The following STXBP5L variants were observed in gnomAD, a reference collection of about 807,000 sequenced individuals.
STXBP5L encodes the protein syntaxin-binding protein 5-like.
In STXBP5L, 65 loss-of-function variants were observed where a neutral mutation model predicts 144.5. The ratio of observed to expected loss-of-function variants is 0.45; its 90% CI spans 0.37 to 0.55. STXBP5L has a LOEUF of 0.55. Ranked by LOEUF, STXBP5L falls within the 20% of genes least tolerant of loss-of-function variation. STXBP5L has a pLI of 0.00. For missense variants in STXBP5L, 1,298 were observed against 1,405.5 expected, an observed-to-expected ratio of 0.92 and a Z score of 1.22; for synonymous variants, 505 against 469.6, an observed-to-expected ratio of 1.08 and a Z score of -0.97.
At chr3:120,978,970 C>T (rs539787042) in intron 3 of STXBP5L, among the ~76,000 whole-genome samples, 1 of 152,270 alleles carries the variant, frequency 6.6e-6, no homozygotes, top group East Asian at 1.9e-4. Context: ...GGGTGCCTCC[C>T]AGTTATGCTG....
chr3:121,369,596 C>T (rs1332915976), intron 20 of STXBP5L, among the ~76,000 whole-genome samples: 1 of 151,118 alleles, frequency 6.6e-6, no homozygotes, highest in Non-Finnish European at 1.5e-5. Context: ...TTTTCATGTT[C>T]CTTGAAGTCT....
At chr3:120,998,035 C>T (rs916986956) in intron 3 of STXBP5L, among the ~76,000 whole-genome samples, 4 of 152,138 alleles carry the variant, frequency 2.6e-5, no homozygotes, top group African/African-American at 4.8e-5. Flanking sequence ...TTCAAGATCC[C>T]TTCATGTTAA....
intron 20 of STXBP5L, among the ~76,000 whole-genome samples, chr3:121,361,512 T>C (rs1049775101): frequency 3.3e-5 from 5 of 152,082 alleles, no homozygotes; most frequent in African/African-American, 1.2e-4. Flanking sequence ...TGATTATGTA[T>C]TTTAAATAGC....
intron 18 of STXBP5L, among the ~76,000 whole-genome samples, chr3:121,274,815 T>C (rs1417327319): frequency 6.6e-6 from 1 of 152,072 alleles, no homozygotes; most frequent in East Asian, 1.9e-4. Context: ...AGTAATAGCA[T>C]GGAACATAGC....
chr3:121,084,702 C>A (rs1301941053), intron 5 of STXBP5L, among the ~76,000 whole-genome samples: 3 of 152,128 alleles, frequency 2.0e-5, no homozygotes, highest in African/African-American at 7.2e-5. Flanking sequence ...AAATGATTTA[C>A]ATTCCTTTGG....
intron 3 of STXBP5L, among the ~76,000 whole-genome samples, chr3:121,002,415 T>A (rs1183866895): frequency 6.6e-6 from 1 of 152,132 alleles, no homozygotes; most frequent in African/African-American, 2.4e-5. Flanking sequence ...TTTTTGTTAT[T>A]GAGTTATATG....
chr3:120,967,254 T>G (rs1576513924), intron 3 of STXBP5L, among the ~76,000 whole-genome samples: 1 of 152,202 alleles, frequency 6.6e-6, no homozygotes. Context: ...TTGCACTTCC[T>G]GGGTGAGACA....
chr3:121,161,980 C>T (rs976382134), intron 9 of STXBP5L, among the ~76,000 whole-genome samples: 1 of 151,806 alleles, frequency 6.6e-6, no homozygotes, highest in East Asian at 1.9e-4. Flanking sequence ...TCTTATGATG[C>T]AATTAGACAA....
chr3:120,959,380 T>C (rs1938463037), intron 3 of STXBP5L, among the ~76,000 whole-genome samples: 1 of 152,170 alleles, frequency 6.6e-6, no homozygotes, highest in Non-Finnish European at 1.5e-5. Flanking sequence ...ATGACTTTCT[T>C]CACAGAACTG....
chr3:121,016,254 A>G (rs556559823), intron 3 of STXBP5L, among the ~76,000 whole-genome samples: 34 of 152,238 alleles, frequency 2.2e-4, no homozygotes, highest in Non-Finnish European at 4.4e-4. Flanking sequence ...ACAGCAGTTA[A>G]CAGAACCAGA....
rs767721855 is a variant in STXBP5L, at chr3:121,181,946, T to TAA, written c.878-23964_878-23963dup. ...ACATAGACATTAAAGCAACAACAGT[T>TAA]AAAAAAAAAAAAAAGAAGGAAAATA... On this transcript the variant is annotated intron_variant, in intron 9 of 26. Coordinates refer to ENST00000471454, the MANE Select transcript of STXBP5L (RefSeq NM_001308330.2). Among the ~76,000 whole-genome samples, 227 of 138,636 alleles carry TAA rather than the reference T, an allele frequency of 1.6e-3. 1 individual carries two copies. The highest frequency in any genetic ancestry group is 3.7e-3 in the Middle Eastern group (1 of 268). 91.0% of individuals were successfully genotyped at this position (138,636 alleles called of 152,430 possible). A position where few individuals can be genotyped will look rare whatever the true frequency, so the allele number is the denominator to read the frequency against.
intron 2 of STXBP5L, among the ~76,000 whole-genome samples, chr3:120,929,635 C>A (rs554944605): frequency 2.6e-5 from 4 of 151,986 alleles, no homozygotes; most frequent in South Asian, 4.2e-4. Flanking sequence ...TATTACTTCC[C>A]GAGATGAAAT....
intron 20 of STXBP5L, among the ~76,000 whole-genome samples, chr3:121,320,814 C>T (rs1458859895): frequency 2.0e-5 from 3 of 151,834 alleles, no homozygotes; most frequent in Non-Finnish European, 4.4e-5. Flanking sequence ...GATTCTCCTG[C>T]CTCAGCCTCC....
chr3:121,220,878 A>T (rs1400343721), intron 10 of STXBP5L, among the ~76,000 whole-genome samples: 4 of 152,116 alleles, frequency 2.6e-5, no homozygotes, highest in African/African-American at 9.6e-5. Context: ...TACTTTCTTC[A>T]TCAAGGTTGT....
intron 6 of STXBP5L, among the ~76,000 whole-genome samples, chr3:121,116,694 A>G (rs1389873152): frequency 6.6e-6 from 1 of 152,034 alleles, no homozygotes; most frequent in Admixed American, 6.6e-5. Context: ...AATATTTCTA[A>G]AAACATTAAT....
intron 19 of STXBP5L, among the ~76,000 whole-genome samples, chr3:121,309,574 T>C (rs1327932018): frequency 6.6e-6 from 1 of 151,980 alleles, no homozygotes; most frequent in Non-Finnish European, 1.5e-5. Context: ...TAAAAATAGA[T>C]ACAAGAACTA....
At chr3:121,111,681 G>A (rs2043994040) in intron 5 of STXBP5L, among the ~76,000 whole-genome samples, 1 of 152,182 alleles carries the variant, frequency 6.6e-6, no homozygotes, top group African/African-American at 2.4e-5. Flanking sequence ...ACCCTTGTTG[G>A]GGGGTTTCAC....
intron 3 of STXBP5L, among the ~76,000 whole-genome samples, chr3:121,007,386 C>G (rs1416695495): frequency 2.0e-5 from 3 of 151,772 alleles, no homozygotes; most frequent in Admixed American, 1.3e-4. Context: ...TAATAAAATT[C>G]TGGCCTCAAA....
At chr3:121,077,435 C>G (rs111954245) in intron 5 of STXBP5L, among the ~76,000 whole-genome samples, 1 of 152,030 alleles carries the variant, frequency 6.6e-6, no homozygotes, top group Non-Finnish European at 1.5e-5. Context: ...CTGGTGGATT[C>G]GTGGTCTCGC....
Sources: gnomAD v4.1 joint callset for allele counts (sites outside exome capture counted in the v4.1 genomes callset) on GRCh38, gnomAD v4.1.1 for gene constraint, MANE v1.5 for transcripts, NCBI Gene and HGNC (gene_info 2026-07-23, HGNC 2026-07-21) for gene names.